RSPH14: variants seen among roughly 807,000 people sequenced by gnomAD.
The protein encoded by RSPH14 is rhabdoid tumor deletion region gene 1.
A neutral mutation model predicts 26.7 loss-of-function variants in RSPH14; 20 were observed. The observed-to-expected ratio is 0.75, with a 90% CI of 0.53 to 1.09. RSPH14 has a LOEUF of 1.09. Among genes scored for constraint, RSPH14 ranks in the 50% least tolerant of loss-of-function variants. The pLI is 0.00. For missense variants in RSPH14, 449 were observed against 457.2 expected (o/e 0.98, Z 0.16); for synonymous variants, 177 against 189.3 (o/e 0.93, Z 0.53).
intron 4 of RSPH14, among the ~76,000 whole-genome samples, chr22:23,093,123 T>C (rs1440711900): frequency 6.6e-6 from 1 of 152,228 alleles, no homozygotes. Flanking sequence ...CATGTACATG[T>C]CATCTTTAAG....
chr22:23,161,144 C>A, the RSPH14 span: 2 of 1,020,202 alleles, frequency 2.0e-6, no homozygotes, highest in African/African-American at 1.6e-5. Context: ...GGTGTCACTG[C>A]AGCCTCAGGC....
chr22:23,061,775 G>A (rs778340707), intron 6 of RSPH14, 34 bp downstream of exon 6: 2 of 1,612,630 alleles, frequency 1.2e-6, no homozygotes, highest in Admixed American at 1.7e-5. Flanking sequence ...GCCTGCTAGG[G>A]TCTCCCTCCC....
chr22:23,161,847 C>CCG, the RSPH14 span: 1 of 438,410 alleles, frequency 2.3e-6, no homozygotes, highest in Admixed American at 3.8e-5. Context: ...AGTCCATTTG[C>CCG]AGGGTCATCA....
At chr22:23,113,654 C>T (rs2069724137) in intron 4 of RSPH14, among the ~76,000 whole-genome samples, 1 of 152,256 alleles carries the variant, frequency 6.6e-6, no homozygotes, top group Non-Finnish European at 1.5e-5. Flanking sequence ...AGGGGGCCAA[C>T]ACCACAGGCC....
At chr22:23,140,820 A>G (rs1038359898) in intron 1 of RSPH14, among the ~76,000 whole-genome samples, 10 of 152,228 alleles carry the variant, frequency 6.6e-5, no homozygotes, top group African/African-American at 1.4e-4. Context: ...TGTGCCAGCA[A>G]TAAGTAGTAT....
intron 4 of RSPH14, among the ~76,000 whole-genome samples, chr22:23,116,383 C>A (rs1339009569): frequency 6.6e-6 from 1 of 152,232 alleles, no homozygotes; most frequent in African/African-American, 2.4e-5. Flanking sequence ...CGTGGCTACG[C>A]GCCTGTGACA....
intron 4 of RSPH14, among the ~76,000 whole-genome samples, chr22:23,130,147 G>GAAAGAAAT (rs2070312389): frequency 1.7e-5 from 2 of 120,684 alleles, no homozygotes; most frequent in South Asian, 5.5e-4. Context: ...AAGAAAGAAA[G>GAAAGAAAT]AAAGAAAGAA....
At chr22:23,113,334 C>T (rs1300138562) in intron 4 of RSPH14, among the ~76,000 whole-genome samples, 1 of 152,240 alleles carries the variant, frequency 6.6e-6, no homozygotes, top group Admixed American at 6.5e-5. Flanking sequence ...GCCAGCACCG[C>T]CTCCCTGTTT....
At chr22:23,092,909 C>T (rs936162540) in intron 4 of RSPH14, among the ~76,000 whole-genome samples, 14 of 152,234 alleles carry the variant, frequency 9.2e-5, no homozygotes, top group Non-Finnish European at 1.9e-4. Context: ...CTGGGTTGGA[C>T]ACTGCCTTCT....
upstream of RSPH14, chr22:23,145,292 C>T: frequency 6.1e-6 from 6 of 975,946 alleles, no homozygotes; most frequent in Non-Finnish European, 5.8e-6. Context: ...TCATGGTGAT[C>T]TCCGGCTCTC....
At chr22:23,123,233 G>C (rs758126196) in intron 4 of RSPH14, 1 of 1,614,142 alleles carries the variant, frequency 6.2e-7, no homozygotes, top group Non-Finnish European at 8.5e-7. Flanking sequence ...GCTTTCCCGA[G>C]TACAAGGGCC....
At chr22:23,180,374 G>T in the RSPH14 span, 1 of 172,972 alleles carries the variant, frequency 5.8e-6, no homozygotes, top group Non-Finnish European at 1.2e-5. Context: ...CGGGGGGAGG[G>T]TGGCGGCTCG....
intron 4 of RSPH14, among the ~76,000 whole-genome samples, chr22:23,087,239 G>A (rs1340761309): frequency 6.6e-6 from 1 of 152,196 alleles, no homozygotes; most frequent in Non-Finnish European, 1.5e-5. Context: ...GCTGAGGCAG[G>A]AGGATTGCTT....
intron 4 of RSPH14, among the ~76,000 whole-genome samples, chr22:23,079,046 T>G (rs1020246515): frequency 5.9e-5 from 9 of 152,156 alleles, no homozygotes; most frequent in African/African-American, 7.2e-5. Context: ...GGCCTGGGAT[T>G]GATTTATTGG....
At chr22:23,143,055 T>C (rs1336329537), upstream of RSPH14, among the ~76,000 whole-genome samples, 1 of 152,168 alleles carries the variant, frequency 6.6e-6, no homozygotes, top group Non-Finnish European at 1.5e-5. Context: ...GAGTGAAGTA[T>C]GGGCCATCCC....
intron 4 of RSPH14, chr22:23,095,524 G>T: frequency 1.5e-6 from 1 of 688,986 alleles, no homozygotes; most frequent in South Asian, 2.0e-5. Context: ...ATGCCGGCTG[G>T]AGAAGAGGCG....
upstream of RSPH14, chr22:23,145,262 A>G: frequency 4.5e-6 from 1 of 223,680 alleles, no homozygotes; most frequent in Non-Finnish European, 8.0e-6. Context: ...CCGCCCACCC[A>G]TCCAGCACCG....
intron 4 of RSPH14, among the ~76,000 whole-genome samples, chr22:23,073,992 G>A (rs1043454370): frequency 2.6e-5 from 4 of 152,126 alleles, no homozygotes; most frequent in Non-Finnish European, 4.4e-5. Context: ...GCTGAGCAGG[G>A]GAGAGACAGC....
chr22:23,153,678 C>T, the RSPH14 span: 21,943 of 693,040 alleles, frequency 0.032, 338 homozygotes, highest in Non-Finnish European at 0.036. Flanking sequence ...GCCTCACTTT[C>T]CTTCCACTTC....
Sources: allele counts gnomAD v4.1 joint callset (sites outside exome capture counted in the v4.1 genomes callset), GRCh38; gene constraint gnomAD v4.1.1; transcripts MANE v1.5; gene names NCBI Gene and HGNC (gene_info 2026-07-23, HGNC 2026-07-21).